CTNNA1: variants seen among roughly 807,000 people sequenced by gnomAD.
The protein encoded by CTNNA1 is catenin alpha 1, also known as catenin alpha-1.
Under a neutral mutation model 98.4 loss-of-function variants are expected in CTNNA1, and 37 were observed. The ratio of observed to expected loss-of-function variants is 0.38; its 90% CI spans 0.29 to 0.49. The LOEUF (loss-of-function observed/expected upper bound fraction) is 0.49, where lower values mean the gene tolerates loss of function less well. CTNNA1 is among the 20% of genes least tolerant of loss of function. The probability of loss-of-function intolerance (pLI) is 0.95; values close to 1 mark genes in which losing one functional copy is unlikely to be tolerated. For missense variants in CTNNA1, 761 were observed against 1,147.2 expected (o/e 0.66, Z 4.86); for synonymous variants, 404 against 413.2 (o/e 0.98, Z 0.27).
chr5:138,839,316 T>C (rs1463304606), intron 7 of CTNNA1, among the ~76,000 whole-genome samples: 1 of 152,168 alleles, frequency 6.6e-6, no homozygotes, highest in Non-Finnish European at 1.5e-5. Context: ...TTCTCCTGCC[T>C]CAGCCTCCCG....
intron 3 of CTNNA1, among the ~76,000 whole-genome samples, chr5:138,802,968 ATT>A (rs11314350): frequency 5.3e-5 from 8 of 150,236 alleles, no homozygotes; most frequent in South Asian, 2.1e-4. Flanking sequence ...TAGCTAATTA[ATT>A]TTTTTTTTTT....
At chr5:138,909,331 A>C (rs1375235061) in intron 10 of CTNNA1, among the ~76,000 whole-genome samples, 1 of 151,372 alleles carries the variant, frequency 6.6e-6, no homozygotes, top group Non-Finnish European at 1.5e-5. Flanking sequence ...GCCTCTACTT[A>C]TCTACATTTT....
chr5:138,931,099 G>A (rs1765201548), intron 16 of CTNNA1, 164 bp downstream of exon 16: 1 of 613,300 alleles, frequency 1.6e-6, no homozygotes, highest in African/African-American at 1.9e-5. Context: ...ATTCTCTAGA[G>A]CGGATGTGTA....
At chr5:138,839,250 G>A (rs1479981392) in intron 7 of CTNNA1, among the ~76,000 whole-genome samples, 1 of 151,750 alleles carries the variant, frequency 6.6e-6, no homozygotes, top group African/African-American at 2.4e-5. Context: ...TTGAGACGAA[G>A]TCTTGCTCTG....
chr5:138,756,408 C>A (rs1465161697), intron 1 of CTNNA1, among the ~76,000 whole-genome samples: 2 of 151,958 alleles, frequency 1.3e-5, no homozygotes, highest in Non-Finnish European at 2.9e-5. Context: ...CTCAGGTGAT[C>A]CACTCGCCTC....
At chr5:138,865,563 T>C (rs984345895) in intron 7 of CTNNA1, among the ~76,000 whole-genome samples, 2 of 152,248 alleles carry the variant, frequency 1.3e-5, no homozygotes, top group African/African-American at 4.8e-5. Flanking sequence ...TTATTCTTTG[T>C]TTTGGCCACC....
At position 138,824,746 on chromosome 5, in the gene CTNNA1, C is replaced by G; in HGVS notation, c.805C>G (p.Gln269Glu). ...AQATASDDAS[Q>E]HQGGGGGELA... ...GGCCACTGCCTCAGACGATGCCTCACAGCACCAGGGTGGAGGAGGAGGAGA... is the reference window on the plus strand; with the variant it reads ...GGCCACTGCCTCAGACGATGCCTCAGAGCACCAGGGTGGAGGAGGAGGAGA... Residue 269 changes from glutamine to glutamate, a missense_variant, in exon 6 of 18, where the codon CAG (glutamine) becomes GAG (glutamate). Coordinates refer to ENST00000302763, the MANE Select transcript of CTNNA1 (RefSeq NM_001903.5). The G allele has an allele frequency of 1.2e-6, 2 of 1,614,192 alleles. No homozygotes were observed. Among genetic ancestry groups the G allele is most frequent in the South Asian group, 1.1e-5 (1 of 91,090 alleles).
intron 7 of CTNNA1, chr5:138,828,018 G>A: frequency 3.6e-6 from 1 of 274,330 alleles, no homozygotes; most frequent in East Asian, 8.5e-5. Flanking sequence ...AAATGTATAT[G>A]TATGTATGGT....
At chr5:138,850,247 CCTT>C (rs1763072421) in intron 7 of CTNNA1, among the ~76,000 whole-genome samples, 1 of 152,198 alleles carries the variant, frequency 6.6e-6, no homozygotes, top group Non-Finnish European at 1.5e-5. Flanking sequence ...TCTTTGCCTT[CCTT>C]CTTCTTTCTT....
chr5:138,766,451 GT>G lies in CTNNA1; in HGVS notation c.-3+12956del, dbSNP rs5871680. Among the ~76,000 whole-genome samples the G allele has an allele frequency of 2.4e-3, 333 of 137,398 alleles. 3 individuals are homozygous for G. The highest frequency in any genetic ancestry group is 8.4e-3 in the African/African-American group (312 of 37,092). The allele number at this position is 137,398 out of a possible 152,430, so 90.1% of individuals were successfully genotyped here. A position where few individuals can be genotyped will look rare whatever the true frequency, so the allele number is the denominator to read the frequency against. On this transcript the variant is annotated intron_variant, in intron 1 of 17. Transcript: ENST00000302763. ...TGGTGGGGAAGCAATACCATGTTTT[GT>G]TTTTTTTTTTTTTTCAGAGGGAGTG...
chr5:138,884,377 A>G (rs951950663), intron 7 of CTNNA1, among the ~76,000 whole-genome samples: 1 of 152,206 alleles, frequency 6.6e-6, no homozygotes, highest in African/African-American at 2.4e-5. Flanking sequence ...TTAGATGGCA[A>G]ATCAGATCCT....
At chr5:138,826,371 T>C (rs903760793) in intron 6 of CTNNA1, among the ~76,000 whole-genome samples, 1 of 152,186 alleles carries the variant, frequency 6.6e-6, no homozygotes, top group African/African-American at 2.4e-5. Context: ...CACAGACATT[T>C]ATCAGGGTGA....
rs10657732 is a variant in CTNNA1, at chr5:138,934,602, T to TATC, written c.*516_*518dup. 0.26 allele frequency: 39,875 copies of TATC among 153,526 alleles called. 5,434 individuals carry two copies. Among genetic ancestry groups the TATC allele is most frequent in the Middle Eastern group, 0.33 (97 of 296 alleles). The allele number at this position is 153,526 out of a possible 1,614,324, so 9.5% of individuals were successfully genotyped here. The stretch of plus-strand genomic sequence containing the variant: ...CAAACTCACTCAGTAAAACATAATG[T>TATC]ATCATGAAGAAAACTGATTCTCTAT... On this transcript the variant is annotated 3_prime_UTR_variant, in exon 18 of 18. Transcript: ENST00000302763.
At chr5:138,878,347 TTATC>T (rs1354412359) in intron 7 of CTNNA1, among the ~76,000 whole-genome samples, 3 of 152,224 alleles carry the variant, frequency 2.0e-5, no homozygotes, top group Non-Finnish European at 4.4e-5. Flanking sequence ...TTTTTGGTCT[TTATC>T]TTTCTTTAGC....
At chr5:138,854,354 C>A (rs1261927288) in intron 7 of CTNNA1, among the ~76,000 whole-genome samples, 1 of 152,122 alleles carries the variant, frequency 6.6e-6, no homozygotes, top group African/African-American at 2.4e-5. Flanking sequence ...AAGAAATGAG[C>A]TAAATAATGG....
intron 5 of CTNNA1, among the ~76,000 whole-genome samples, chr5:138,813,528 T>C (rs1359285429): frequency 6.6e-6 from 1 of 152,052 alleles, no homozygotes; most frequent in Non-Finnish European, 1.5e-5. Flanking sequence ...GAAAGTTGGG[T>C]TGGGAGTAGT....
intron 1 of CTNNA1, among the ~76,000 whole-genome samples, chr5:138,778,942 G>T (rs1351690541): frequency 6.6e-6 from 1 of 151,960 alleles, no homozygotes; most frequent in Non-Finnish European, 1.5e-5. Flanking sequence ...GCAGTGGCAT[G>T]ATCTCGGCTC....
chr5:138,841,757 G>T (rs139341657), intron 7 of CTNNA1, among the ~76,000 whole-genome samples: 1 of 152,194 alleles, frequency 6.6e-6, no homozygotes, highest in African/African-American at 2.4e-5. Context: ...ACTTTCAGAT[G>T]TTTTGAAATG....
intron 1 of CTNNA1, among the ~76,000 whole-genome samples, chr5:138,775,157 T>A (rs953737214): frequency 6.6e-6 from 1 of 152,216 alleles, no homozygotes; most frequent in Non-Finnish European, 1.5e-5. Flanking sequence ...TTTGCAACCC[T>A]GGAAGGTTCT....
Sources: allele counts gnomAD v4.1 joint callset (sites outside exome capture counted in the v4.1 genomes callset), GRCh38; gene constraint gnomAD v4.1.1; transcripts MANE v1.5; gene names NCBI Gene and HGNC (gene_info 2026-07-23, HGNC 2026-07-21).